MDGA2: variants seen among roughly 807,000 people sequenced by gnomAD.
The protein encoded by MDGA2 is MAM domain-containing glycosylphosphatidylinositol anchor protein 2.
Under a neutral mutation model 117.8 loss-of-function variants are expected in MDGA2, and 40 were observed. The ratio of observed to expected loss-of-function variants is 0.34; its 90% CI spans 0.26 to 0.44. MDGA2 has a LOEUF of 0.44. MDGA2 is among the 20% of genes least tolerant of loss of function. MDGA2 has a pLI of 1.00. For missense variants in MDGA2, 1,123 were observed against 1,250.6 expected, an observed-to-expected ratio of 0.90 and a Z score of 1.54; for synonymous variants, 452 against 439.0, an observed-to-expected ratio of 1.03 and a Z score of -0.37.
At chr14:47,197,969 T>C (rs991746247) in intron 3 of MDGA2, among the ~76,000 whole-genome samples, 1 of 152,182 alleles carries the variant, frequency 6.6e-6, no homozygotes, top group African/African-American at 2.4e-5. Context: ...TATGGAGTTA[T>C]GGTAACATAT....
At chr14:47,593,086 T>G (rs886277363) in intron 1 of MDGA2, among the ~76,000 whole-genome samples, 6 of 152,176 alleles carry the variant, frequency 3.9e-5, no homozygotes, top group Non-Finnish European at 1.5e-5. Context: ...GAACAGACAC[T>G]TCTCAAAAGA....
intron 2 of MDGA2, among the ~76,000 whole-genome samples, chr14:47,239,613 T>C (rs1465773915): frequency 6.6e-6 from 1 of 151,874 alleles, no homozygotes; most frequent in African/African-American, 2.4e-5. Flanking sequence ...AAAGGAGCTG[T>C]AAGTCAGTTA....
At chr14:47,497,475 C>T (rs1015911711) in intron 1 of MDGA2, among the ~76,000 whole-genome samples, 5 of 152,096 alleles carry the variant, frequency 3.3e-5, no homozygotes, top group Non-Finnish European at 5.9e-5. Flanking sequence ...CCAGGCTGGT[C>T]TCGAACTCCT....
intron 7 of MDGA2, among the ~76,000 whole-genome samples, chr14:47,048,218 T>C (rs912495576): frequency 2.0e-5 from 3 of 152,062 alleles, no homozygotes; most frequent in African/African-American, 7.2e-5. Context: ...AACCAGGGAC[T>C]AGTAAGTTAT....
intron 6 of MDGA2, among the ~76,000 whole-genome samples, chr14:47,062,574 A>T (rs1009323436): frequency 1.7e-4 from 26 of 151,254 alleles, no homozygotes; most frequent in Non-Finnish European, 5.9e-5. Flanking sequence ...AAAATGTGGC[A>T]TACACAGTGA....
intron 1 of MDGA2, among the ~76,000 whole-genome samples, chr14:47,367,441 T>G (rs1376926417): frequency 2.6e-5 from 4 of 152,156 alleles, no homozygotes; most frequent in African/African-American, 9.7e-5. Flanking sequence ...CCAGGAAATA[T>G]CTTTAAAGTC....
intron 2 of MDGA2, among the ~76,000 whole-genome samples, chr14:47,263,845 T>C (rs903559653): frequency 1.8e-4 from 28 of 152,162 alleles, no homozygotes; most frequent in African/African-American, 6.5e-4. Flanking sequence ...ATTTACAATT[T>C]TTACCATTTT....
chr14:47,461,580 G>A (rs1002142793), intron 1 of MDGA2, among the ~76,000 whole-genome samples: 1 of 151,914 alleles, frequency 6.6e-6, no homozygotes, highest in East Asian at 1.9e-4. Flanking sequence ...TCCTTTACAG[G>A]CTCTGTGCTC....
At chr14:47,661,785 C>G (rs1223364216) in intron 1 of MDGA2, among the ~76,000 whole-genome samples, 5 of 115,336 alleles carry the variant, frequency 4.3e-5, no homozygotes, top group Admixed American at 2.3e-4. Flanking sequence ...GAGTTTCGCT[C>G]TTGTTGCCCA....
intron 1 of MDGA2, among the ~76,000 whole-genome samples, chr14:47,466,304 C>T (rs1033162907): frequency 6.6e-6 from 1 of 151,738 alleles, no homozygotes; most frequent in Non-Finnish European, 1.5e-5. Context: ...ATTTGCAGGA[C>T]CCCCACACGG....
At chr14:47,632,763 G>C (rs564431729) in intron 1 of MDGA2, among the ~76,000 whole-genome samples, 3 of 148,486 alleles carry the variant, frequency 2.0e-5, no homozygotes, top group South Asian at 4.2e-4. Context: ...TTTTTTTTGA[G>C]GGGGGGGCTC....
chr14:47,557,816 G>C (rs919108920), intron 1 of MDGA2, among the ~76,000 whole-genome samples: 1 of 152,086 alleles, frequency 6.6e-6, no homozygotes, highest in African/African-American at 2.4e-5. Flanking sequence ...TGACTTATGA[G>C]TCATCTTTAA....
rs187854895 is a variant in MDGA2, at chr14:47,598,760, T to C, written c.280+75757A>G. 1.0e-3 allele frequency among the ~76,000 whole-genome samples: 152 copies of C among 152,298 alleles called. 2 individuals carry two copies. Among genetic ancestry groups the C allele is most frequent in the African/African-American group, 3.3e-3 (137 of 41,582 alleles). On this transcript the variant is annotated intron_variant, in intron 1 of 16. Coordinates refer to ENST00000399232, the MANE Select transcript of MDGA2 (RefSeq NM_001113498.3). ...TTTGGGTATAGATAGTGGTGATGGTTGCACAACACTGTGAGTGTATTTAAT... is the reference window on the plus strand; with the variant it reads ...TTTGGGTATAGATAGTGGTGATGGTCGCACAACACTGTGAGTGTATTTAAT...
chr14:46,889,450 T>C (rs1384066890), intron 10 of MDGA2, among the ~76,000 whole-genome samples: 3 of 152,102 alleles, frequency 2.0e-5, no homozygotes, highest in African/African-American at 7.2e-5. Context: ...ATGTCTAAAT[T>C]AAAGAGTTTT....
At chr14:47,357,371 C>T (rs550937820) in intron 1 of MDGA2, among the ~76,000 whole-genome samples, 5 of 152,326 alleles carry the variant, frequency 3.3e-5, no homozygotes, top group Admixed American at 6.5e-5. Flanking sequence ...TGGCAGCTAA[C>T]ACAGGGAGGC....
At chr14:47,482,229 C>G (rs954529822) in intron 1 of MDGA2, among the ~76,000 whole-genome samples, 12 of 151,872 alleles carry the variant, frequency 7.9e-5, no homozygotes, top group African/African-American at 2.9e-4. Flanking sequence ...TATATGGTCC[C>G]AGGATGATAG....
chr14:46,915,353 C>G (rs958468497), intron 10 of MDGA2, among the ~76,000 whole-genome samples: 5 of 152,008 alleles, frequency 3.3e-5, no homozygotes, highest in African/African-American at 1.2e-4. Flanking sequence ...GACAAATACT[C>G]GAGGTGATGG....
At chr14:47,296,854 C>A (rs1293453576) in intron 2 of MDGA2, among the ~76,000 whole-genome samples, 1 of 152,170 alleles carries the variant, frequency 6.6e-6, no homozygotes, top group Admixed American at 6.5e-5. Context: ...CAATTATACA[C>A]ATTTGAGAGT....
intron 3 of MDGA2, among the ~76,000 whole-genome samples, chr14:47,153,038 G>C (rs543287523): frequency 2.9e-4 from 44 of 152,234 alleles, no homozygotes; most frequent in African/African-American, 9.6e-4. Flanking sequence ...AAGACTTCTG[G>C]GTATTGAGGA....
Sources: gnomAD v4.1 joint callset for allele counts (sites outside exome capture counted in the v4.1 genomes callset) on GRCh38, gnomAD v4.1.1 for gene constraint, MANE v1.5 for transcripts, NCBI Gene and HGNC (gene_info 2026-07-23, HGNC 2026-07-21) for gene names.